Variants in ESRP2 observed in about 807,000 individuals in gnomAD.
ESRP2 encodes the protein epithelial splicing regulatory protein 2, also known as RNA binding motif protein 35A.
In ESRP2, 48 loss-of-function variants were observed where a neutral mutation model predicts 78.6. The ratio of observed to expected loss-of-function variants is 0.61; its 90% CI spans 0.48 to 0.78. ESRP2 has a LOEUF of 0.78. Ranked by LOEUF, ESRP2 falls within the 30% of genes least tolerant of loss-of-function variation. The pLI, the probability that ESRP2 is intolerant of heterozygous loss-of-function variation, is 0.00. For synonymous variants in ESRP2, 383 were observed against 406.7 expected, an observed-to-expected ratio of 0.94 and a Z score of 0.70; for missense variants, 863 against 965.9, an observed-to-expected ratio of 0.89 and a Z score of 1.41.
intron 13 of ESRP2, 103 bp from the exon 14 acceptor site, chr16:68,230,657 C>G: frequency 6.9e-7 from 1 of 1,443,408 alleles, no homozygotes; most frequent in South Asian, 1.4e-5. Flanking sequence ...AATTCAGTTC[C>G]TCCCTGAAGC....
rs2042143792 is a variant in ESRP2 at position 68,231,773 on chromosome 16, T to C, written c.1299+29A>G. 1.9e-6 allele frequency: 3 copies of C among 1,603,108 alleles called. No individual in the cohort carries two copies. The highest frequency in any genetic ancestry group is 1.7e-4 in the Middle Eastern group (1 of 6,030). On this transcript the variant is annotated intron_variant, in intron 10 of 14. Coordinates refer to ENST00000473183, the MANE Select transcript of ESRP2 (RefSeq NM_024939.3). The surrounding 1 kb of genome is among the most constrained non-coding windows in gnomAD (Gnocchi z 6.0). ...AGGGCCGCCCTGGAGTAACAGTACA[T>C]CTGGGGGTGGGGAGCCCTGGGCGCT... is the stretch of plus-strand genomic sequence containing the variant.
Position 68,232,062 on chromosome 16 carries a change from G to A in ESRP2, c.1039C>T (p.Gln347Ter). ...EVARFLSRED[Q>*]VILRLRGLPF... ...AGTCCCCGCAGCCGCAGGATCACTT[G>A]GTCTTCCCGTGACAAGAAACGAGCC... Residue 347 changes from glutamine to a stop codon, truncating the protein, a stop_gained, in exon 10 of 15, where the codon CAA becomes TAA. Coordinates refer to ENST00000473183, the MANE Select transcript of ESRP2 (RefSeq NM_024939.3). LOFTEE classifies it high-confidence loss of function. The surrounding 1 kb of genome is among the most constrained non-coding windows in gnomAD (Gnocchi z 5.2). The A allele has an allele frequency of 6.2e-7, 1 of 1,613,818 alleles. No homozygotes were observed. Among genetic ancestry groups the A allele is most frequent in the Non-Finnish European group, 8.5e-7 (1 of 1,179,846 alleles).
Position 68,232,133 on chromosome 16 carries a change from C to T in ESRP2, c.998-30G>A. ...GTATGAGAGTCGCCTGCTGACTTCA[C>T]TCATGCTCCTCCAGACACTCACCCA... On this transcript the variant is annotated intron_variant, in intron 9 of 14. Coordinates refer to ENST00000473183, the MANE Select transcript of ESRP2 (RefSeq NM_024939.3). The surrounding 1 kb of genome is among the most constrained non-coding windows in gnomAD (Gnocchi z 5.2). 6.2e-7 allele frequency: 1 copy of T among 1,610,200 alleles called. No homozygotes were observed. Among genetic ancestry groups the T allele is most frequent in the Non-Finnish European group, 8.5e-7 (1 of 1,177,378 alleles).
Position 68,232,603 on chromosome 16 carries a change from G to A in ESRP2, c.795C>T (p.Arg265=). 1 of 1,614,132 alleles carries A rather than the reference G, an allele frequency of 6.2e-7. No homozygotes were observed. Reference sequence around the variant, plus strand: ...TGGCCACGTTGAGCCCTTTGAAGAAGCGAGCCACGTCCTGGTCTGATGACT... The same window carrying A: ...TGGCCACGTTGAGCCCTTTGAAGAAACGAGCCACGTCCTGGTCTGATGACT... ...PWQSSDQDVA[R]FFKGLNVARG... The change falls in exon 7 of 15, where the codon CGC becomes CGT. Residue 265 remains arginine, a synonymous_variant. Transcript: ENST00000473183. The surrounding 1 kb of genome is among the most constrained non-coding windows in gnomAD (Gnocchi z 5.2).
intron 2 of ESRP2, chr16:68,234,375 G>A (rs1008871955): frequency 1.2e-5 from 5 of 415,632 alleles, no homozygotes; most frequent in Non-Finnish European, 2.2e-5. Flanking sequence ...CACACTCCAG[G>A]AGTTTGGAGT....
rs2042222583 is a variant in ESRP2 at position 68,235,973 on chromosome 16, G to A, written c.73C>T (p.Pro25Ser). ...AGGACGACCAGTGATCCGGGCCAGG[G>A]GCAGGGGTCCGCGGCGGGGTCGGCC... ...PAADPAADPC[P>S]WPGSLVVLFG... Residue 25 changes from proline to serine, a missense_variant, in exon 1 of 15, where the codon CCC becomes TCC. Pro to Ser is a moderately conservative substitution (Grantham distance 74, BLOSUM62 -1). Transcript: ENST00000473183. This position sits in a 1 kb window ranked among gnomAD's most constrained non-coding sequence, Gnocchi z 5.5. 6.2e-7 allele frequency: 1 copy of A among 1,601,576 alleles called. No homozygotes were observed. Among genetic ancestry groups the A allele is most frequent in the East Asian group, 2.3e-5 (1 of 43,962 alleles).
Position 68,235,413 on chromosome 16 carries a change from G to T in ESRP2, c.327+221C>A, listed in dbSNP as rs1256336449. 3 of 985,352 alleles carry T rather than the reference G, an allele frequency of 3.0e-6. No individual in the cohort carries two copies. The highest frequency in any genetic ancestry group is 2.3e-4 in the East Asian group (2 of 8,832). 61.0% of individuals were successfully genotyped at this position (985,352 alleles called of 1,614,324 possible). A position where few individuals can be genotyped will look rare whatever the true frequency, so the allele number is the denominator to read the frequency against. On this transcript the variant is annotated intron_variant, in intron 2 of 14. Transcript: ENST00000473183. This position sits in a 1 kb window ranked among gnomAD's most constrained non-coding sequence, Gnocchi z 5.5. Reference sequence around the variant, plus strand: ...GTCCCGATCCCTTCGGTAGGAGTAGGTTCCTGCAATGGTTGAAAAGTAAGG... The same window carrying T: ...GTCCCGATCCCTTCGGTAGGAGTAGTTTCCTGCAATGGTTGAAAAGTAAGG...
rs755105859 is a variant in ESRP2 at position 68,229,694 on chromosome 16, A to G, written c.*532T>C. 1.1e-4 allele frequency: 17 copies of G among 157,746 alleles called. No individual in the cohort carries two copies. The highest frequency in any genetic ancestry group is 2.0e-4 in the Non-Finnish European group (14 of 71,006). 9.8% of individuals were successfully genotyped at this position (157,746 alleles called of 1,614,324 possible). ...TTTAGGTGGGACCACCCCTGGCACA[A>G]CATGGTCTCTGAGGTCCAGATACTC... On this transcript the variant is annotated 3_prime_UTR_variant, in exon 15 of 15. Transcript: ENST00000473183.
Position 68,229,949 on chromosome 16 carries a change from C to T in ESRP2, c.*277G>A. 1 of 509,630 alleles carries T rather than the reference C, an allele frequency of 2.0e-6. No individual in the cohort carries two copies. The highest frequency in any genetic ancestry group is 5.3e-4 in the Middle Eastern group (1 of 1,904). The allele number at this position is 509,630 out of a possible 1,614,324, so 31.6% of individuals were successfully genotyped here. ...GCCACAGCCAGGACAGACTTAAGGG[C>T]TCTCCAGGTGCCAGTCAAGATGCCT... On this transcript the variant is annotated 3_prime_UTR_variant, in exon 15 of 15. Coordinates refer to ENST00000473183, the MANE Select transcript of ESRP2 (RefSeq NM_024939.3).
At position 68,236,114 on chromosome 16, in the gene ESRP2, C is replaced by T; in HGVS notation, c.-69G>A. 1 of 1,346,524 alleles carries T rather than the reference C, an allele frequency of 7.4e-7. No individual in the cohort carries two copies. Among genetic ancestry groups the T allele is most frequent in the Non-Finnish European group, 9.5e-7 (1 of 1,056,488 alleles). The allele number at this position is 1,346,524 out of a possible 1,614,324, so 83.4% of individuals were successfully genotyped here. Reference sequence around the variant, plus strand: ...GAGGCGCACGCACGCACCGACCGACCGCAGACGCGGATCAGCTTGGGCGGG... The same window carrying T: ...GAGGCGCACGCACGCACCGACCGACTGCAGACGCGGATCAGCTTGGGCGGG... On this transcript the variant is annotated 5_prime_UTR_variant, in exon 1 of 15. Transcript: ENST00000473183. This position sits in a 1 kb window ranked among gnomAD's most constrained non-coding sequence, Gnocchi z 5.2.
Position 68,231,898 on chromosome 16 carries a change from A to C in ESRP2, c.1203T>G (p.Cys401Trp). The change falls in exon 10 of 15, where the codon TGT (cysteine) becomes TGG (tryptophan). Residue 401 changes from cysteine to tryptophan, a missense_variant. By Grantham distance (215) the Cys-to-Trp change is radical. Transcript: ENST00000473183. This position sits in a 1 kb window ranked among gnomAD's most constrained non-coding sequence, Gnocchi z 6.0. ...PTGDAFALFACEELAQAALRR... is the reference protein window; with the variant it reads ...PTGDAFALFAWEELAQAALRR... ...GCAGTGCAGCCTGTGCCAGCTCCTC[A>C]CAAGCAAAGAGGGCGAAGGCATCAC... is the stretch of plus-strand genomic sequence containing the variant. 6.2e-7 allele frequency: 1 copy of C among 1,613,882 alleles called. No homozygotes were observed. Among genetic ancestry groups the C allele is most frequent in the Non-Finnish European group, 8.5e-7 (1 of 1,179,980 alleles).
chr16:68,235,991 G>A lies in ESRP2; in HGVS notation c.55C>T (p.Pro19Ser), dbSNP rs749396349. 5 of 1,575,746 alleles carry A rather than the reference G, an allele frequency of 3.2e-6. No homozygotes were observed. Among genetic ancestry groups the A allele is most frequent in the South Asian group, 1.1e-5 (1 of 87,254 alleles). Residue 19 changes from proline (P) to serine (S), a missense_variant, in exon 1 of 15, where the codon CCC (proline) becomes TCC (serine). Physicochemically the swap from Pro to Ser is moderately conservative, Grantham distance 74 (BLOSUM62 -1). Coordinates refer to ENST00000473183, the MANE Select transcript of ESRP2 (RefSeq NM_024939.3). The surrounding 1 kb of genome is among the most constrained non-coding windows in gnomAD (Gnocchi z 5.5). Reference sequence around the variant, plus strand: ...GGCCAGGGGCAGGGGTCCGCGGCGGGGTCGGCCGCGGGGTCAGGGCCCGGG... The same window carrying A: ...GGCCAGGGGCAGGGGTCCGCGGCGGAGTCGGCCGCGGGGTCAGGGCCCGGG... ...PPPGPDPAAD[P>S]AADPCPWPGS...
chr16:68,231,397 G>GCA lies in ESRP2; in HGVS notation c.1513-23_1513-22dup, dbSNP rs2042137636. ...CGGCCCTGTGCACACCATCTTGTGA[G>GCA]CAGTTTGTCATGTGTAAGAGTGCCT... On this transcript the variant is annotated intron_variant, in intron 11 of 14. Transcript: ENST00000473183. The surrounding 1 kb of genome is among the most constrained non-coding windows in gnomAD (Gnocchi z 6.0). 1 of 1,613,922 alleles carries GCA rather than the reference G, an allele frequency of 6.2e-7. No individual in the cohort carries two copies. The highest frequency in any genetic ancestry group is 1.7e-5 in the Admixed American group (1 of 59,998).
At position 68,229,784 on chromosome 16, in the gene ESRP2, C is replaced by T. The variant is rs1410093456; in HGVS notation, c.*442G>A. The T allele has an allele frequency of 5.7e-6, 1 of 174,966 alleles. No individual in the cohort carries two copies. The highest frequency in any genetic ancestry group is 1.2e-5 in the Non-Finnish European group (1 of 80,450). The allele number at this position is 174,966 out of a possible 1,614,324, so 10.8% of individuals were successfully genotyped here. On this transcript the variant is annotated 3_prime_UTR_variant, in exon 15 of 15. Transcript: ENST00000473183. The stretch of plus-strand genomic sequence containing the variant: ...ACAAGAGGGACAGGGAGAGGTAGAA[C>T]ATTGGGATCTTTACTCAGAGGCTCA...
Position 68,231,469 on chromosome 16 carries a change from G to A in ESRP2, c.1512+13C>T, listed in dbSNP as rs745556470. 2.5e-5 allele frequency: 40 copies of A among 1,613,846 alleles called. No homozygotes were observed. Among genetic ancestry groups the A allele is most frequent in the Non-Finnish European group, 3.1e-5 (37 of 1,179,946 alleles). On this transcript the variant is annotated intron_variant, in intron 11 of 14. Coordinates refer to ENST00000473183, the MANE Select transcript of ESRP2 (RefSeq NM_024939.3). The surrounding 1 kb of genome is among the most constrained non-coding windows in gnomAD (Gnocchi z 6.0). ...CCTATTTATGTGTTCCCCCTACCAA[G>A]CAGTGGCTTCACCTGCTGGTTGAGC...
chr16:68,234,122 T>C lies in ESRP2; in HGVS notation c.328-15A>G, dbSNP rs765227779. On this transcript the variant is annotated splice_polypyrimidine_tract_variant and intron_variant, in intron 2 of 14. Coordinates refer to ENST00000473183, the MANE Select transcript of ESRP2 (RefSeq NM_024939.3). ...AGCTGTGAGAACTGGGGATAGGGAA[T>C]GGGGAGAGAGAAACACACAGATTCA... 5.3e-5 allele frequency: 84 copies of C among 1,584,300 alleles called. No individual in the cohort carries two copies. The Admixed American group carries it at 1.4e-3, about 27-fold the overall frequency.
chr16:68,231,384 C>A lies in ESRP2; in HGVS notation c.1513-8G>T. ...ATCGCCCGATGGCCGGCCCTGTGCA[C>A]ACCATCTTGTGAGCAGTTTGTCATG... On this transcript the variant is annotated splice_region_variant and splice_polypyrimidine_tract_variant and intron_variant, in intron 11 of 14. Transcript: ENST00000473183. The surrounding 1 kb of genome is among the most constrained non-coding windows in gnomAD (Gnocchi z 6.0). The A allele has an allele frequency of 1.2e-6, 2 of 1,614,082 alleles. No individual in the cohort carries two copies. Among genetic ancestry groups the A allele is most frequent in the Non-Finnish European group, 1.7e-6 (2 of 1,179,992 alleles).
At chr16:68,233,491 C>T (rs750917108) in intron 4 of ESRP2, 66 bp from the exon 5 acceptor site, 2 of 1,213,936 alleles carry the variant, frequency 1.6e-6, no homozygotes, top group Non-Finnish European at 2.5e-6. Flanking sequence ...ACTCCTGGGC[C>T]CAACTCCCCT....
Position 68,232,905 on chromosome 16 carries a change from G to A in ESRP2, c.656-90C>T, listed in dbSNP as rs900803832. 20 of 1,576,626 alleles carry A rather than the reference G, an allele frequency of 1.3e-5. No individual in the cohort carries two copies. Among genetic ancestry groups the A allele is most frequent in the African/African-American group, 2.7e-5 (2 of 74,220 alleles). ...CAAAAAGTGGACAATTGAGAGAGAT[G>A]AAGAAATGACAGGCCGAGCACAGTG... On this transcript the variant is annotated intron_variant, in intron 5 of 14. Transcript: ENST00000473183. This position sits in a 1 kb window ranked among gnomAD's most constrained non-coding sequence, Gnocchi z 5.2.
Sources: gnomAD v4.1 joint callset for allele counts on GRCh38, gnomAD v4.1.1 for gene constraint, Gnocchi (gnomAD v3.1) non-coding constraint, MANE v1.5 for transcripts, NCBI Gene and HGNC (gene_info 2026-07-23, HGNC 2026-07-21) for gene names.